The following CSMD1 variants were observed in gnomAD, a reference collection of about 807,000 sequenced individuals.
CSMD1 encodes CUB and sushi domain-containing protein 1.
A neutral mutation model predicts 417.5 loss-of-function variants in CSMD1; 213 were observed. The observed-to-expected ratio is 0.51, with a 90% CI of 0.46 to 0.57. The LOEUF (loss-of-function observed/expected upper bound fraction) is 0.57, where lower values mean the gene tolerates loss of function less well. CSMD1 is among the 20% of genes least tolerant of loss of function. CSMD1 has a pLI of 0.00. For synonymous variants in CSMD1, 2,862 were observed against 1,736.8 expected, an observed-to-expected ratio of 1.65 and a Z score of -16.11; for missense variants, 6,923 against 4,529.7, an observed-to-expected ratio of 1.53 and a Z score of -15.17.
intron 3 of CSMD1, among the ~76,000 whole-genome samples, chr8:4,145,328 A>G (rs1238604448): frequency 6.6e-6 from 1 of 151,032 alleles, no homozygotes; most frequent in African/African-American, 2.5e-5. Flanking sequence ...TTTTTTGAGG[A>G]AAAAAATGAT....
intron 3 of CSMD1, among the ~76,000 whole-genome samples, chr8:4,213,716 G>T (rs1193448296): frequency 6.6e-6 from 1 of 152,204 alleles, no homozygotes; most frequent in Non-Finnish European, 1.5e-5. Flanking sequence ...GCTCCTGTGT[G>T]ATTTCCTGAA....
Position 4,529,019 on chromosome 8 carries a change from G to T in CSMD1, c.302+108323C>A, listed in dbSNP as rs569775715. 7.9e-5 allele frequency among the ~76,000 whole-genome samples: 12 copies of T among 152,260 alleles called. No homozygotes were observed. The South Asian group carries it at 2.5e-3, about 32-fold the overall frequency. The stretch of plus-strand genomic sequence containing the variant: ...TGACGTTTGTAAAATCATTTTCTTT[G>T]TGATGATATATGTGAGACGGTGTTT... On this transcript the variant is annotated intron_variant, in intron 2 of 69. Coordinates refer to ENST00000635120, the MANE Select transcript of CSMD1 (RefSeq NM_033225.6).
chr8:3,416,618 G>A (rs565291237), intron 12 of CSMD1, among the ~76,000 whole-genome samples: 20 of 152,300 alleles, frequency 1.3e-4, no homozygotes, highest in African/African-American at 4.8e-4. Context: ...TGTCCCAGGA[G>A]CTACATGGAA....
intron 5 of CSMD1, among the ~76,000 whole-genome samples, chr8:3,920,148 C>T (rs1319853831): frequency 6.6e-6 from 1 of 152,054 alleles, no homozygotes; most frequent in Non-Finnish European, 1.5e-5. Flanking sequence ...ATCTTCCTGC[C>T]TTAGTCTTCT....
chr8:3,249,551 TA>T (rs1454023644), intron 26 of CSMD1, among the ~76,000 whole-genome samples: 1 of 152,096 alleles, frequency 6.6e-6, no homozygotes, highest in Non-Finnish European at 1.5e-5. Flanking sequence ...TAAAAGCAAG[TA>T]ACTCAAATGA....
intron 5 of CSMD1, among the ~76,000 whole-genome samples, chr8:3,757,004 T>A (rs149719255): frequency 3.9e-5 from 6 of 152,314 alleles, no homozygotes; most frequent in South Asian, 4.1e-4. Flanking sequence ...GGTCTCACTA[T>A]GTTGTCCAGA....
chr8:3,262,105 G>A (rs1021069102), intron 26 of CSMD1, among the ~76,000 whole-genome samples: 2 of 149,054 alleles, frequency 1.3e-5, no homozygotes, highest in East Asian at 2.0e-4. Flanking sequence ...TAAAGGTTAT[G>A]TATGTCTGAG....
intron 1 of CSMD1, among the ~76,000 whole-genome samples, chr8:4,907,331 C>T (rs1805352698): frequency 6.6e-6 from 1 of 152,152 alleles, no homozygotes; most frequent in Non-Finnish European, 1.5e-5. Flanking sequence ...CGCTATTAAC[C>T]TTCAGACAAA....
At chr8:4,522,119 G>A (rs748308562) in intron 2 of CSMD1, among the ~76,000 whole-genome samples, 2 of 152,166 alleles carry the variant, frequency 1.3e-5, no homozygotes, top group Non-Finnish European at 2.9e-5. Flanking sequence ...GGAGCCTGGG[G>A]GGAGGTGATT....
At chr8:4,246,124 C>G (rs926897833) in intron 3 of CSMD1, among the ~76,000 whole-genome samples, 5 of 152,018 alleles carry the variant, frequency 3.3e-5, no homozygotes, top group Admixed American at 2.6e-4. Context: ...ATTTGATCAC[C>G]CAGATATTAA....
intron 5 of CSMD1, among the ~76,000 whole-genome samples, chr8:3,994,585 T>C (rs963047502): frequency 6.6e-6 from 1 of 151,868 alleles, no homozygotes; most frequent in Non-Finnish European, 1.5e-5. Context: ...AAGGGATTGA[T>C]AGGAAGCCAA....
At chr8:4,587,272 C>G (rs897793217) in intron 2 of CSMD1, among the ~76,000 whole-genome samples, 1 of 152,104 alleles carries the variant, frequency 6.6e-6, no homozygotes, top group African/African-American at 2.4e-5. Context: ...GGAACTGATG[C>G]ATAGTTTGAA....
chr8:4,752,938 G>A (rs752418203), intron 1 of CSMD1, among the ~76,000 whole-genome samples: 2 of 152,186 alleles, frequency 1.3e-5, no homozygotes, highest in Non-Finnish European at 2.9e-5. Context: ...GTGGCGTGAT[G>A]ATGCTCACAG....
At chr8:3,422,528 T>C (rs1813559179) in intron 12 of CSMD1, among the ~76,000 whole-genome samples, 2 of 152,176 alleles carry the variant, frequency 1.3e-5, no homozygotes, top group Admixed American at 1.3e-4. Flanking sequence ...TGAAGAAATC[T>C]ATTGTAAGAC....
chr8:4,455,411 G>T (rs1043953765), intron 2 of CSMD1, among the ~76,000 whole-genome samples: 3 of 152,104 alleles, frequency 2.0e-5, no homozygotes, highest in African/African-American at 7.2e-5. Context: ...GCTGTCATGT[G>T]TATCATTAGA....
intron 1 of CSMD1, among the ~76,000 whole-genome samples, chr8:4,771,647 T>C (rs1213337171): frequency 6.6e-6 from 1 of 152,218 alleles, no homozygotes; most frequent in Non-Finnish European, 1.5e-5. Flanking sequence ...CCATGATTTC[T>C]ACGCAGTCAA....
intron 26 of CSMD1, among the ~76,000 whole-genome samples, chr8:3,273,660 G>A (rs1207319885): frequency 6.6e-6 from 1 of 152,116 alleles, no homozygotes; most frequent in Non-Finnish European, 1.5e-5. Flanking sequence ...TTTAGTCTTG[G>A]GAGAGTGTAT....
chr8:4,610,810 G>C (rs184398241), intron 2 of CSMD1, among the ~76,000 whole-genome samples: 3 of 152,260 alleles, frequency 2.0e-5, no homozygotes, highest in South Asian at 4.1e-4. Flanking sequence ...GTTCAGGATG[G>C]CATGCATGCC....
intron 26 of CSMD1, among the ~76,000 whole-genome samples, chr8:3,230,578 C>T (rs1184547187): frequency 6.6e-6 from 1 of 152,102 alleles, no homozygotes. Context: ...AAACCCCATA[C>T]TGCAAATTAC....
Sources: gnomAD v4.1 joint callset for allele counts (sites outside exome capture counted in the v4.1 genomes callset) on GRCh38, gnomAD v4.1.1 for gene constraint, MANE v1.5 for transcripts, NCBI Gene and HGNC (gene_info 2026-07-23, HGNC 2026-07-21) for gene names.